Variants in CTNNA3 observed in about 807,000 individuals in gnomAD.
CTNNA3 encodes catenin alpha 3, also known as catenin alpha-3.
In CTNNA3, 76 loss-of-function variants were observed where a neutral mutation model predicts 95.7. That is an observed-to-expected ratio of 0.79 (90% confidence interval 0.66 to 0.96). CTNNA3 has a LOEUF of 0.96. CTNNA3 is among the 40% of genes least tolerant of loss of function. CTNNA3 has a pLI of 0.00. For missense variants in CTNNA3, 1,191 were observed against 1,089.8 expected (o/e 1.09, Z -1.31); for synonymous variants, 431 against 374.4 (o/e 1.15, Z -1.74).
intron 2 of CTNNA3, among the ~76,000 whole-genome samples, chr10:67,620,921 G>GTATATATA (rs1272442858): frequency 4.9e-4 from 46 of 94,832 alleles, no homozygotes; most frequent in African/African-American, 2.0e-3. Context: ...GTGTGTGTGT[G>GTATATATA]TGTATATATA....
At chr10:67,135,054 G>T (rs1202510426) in intron 7 of CTNNA3, among the ~76,000 whole-genome samples, 3 of 152,064 alleles carry the variant, frequency 2.0e-5, no homozygotes, top group Non-Finnish European at 4.4e-5. Flanking sequence ...AAGGTGTTCT[G>T]GTTTGTTTTC....
chr10:66,269,262 G>A (rs941704206), intron 13 of CTNNA3, among the ~76,000 whole-genome samples: 11 of 152,218 alleles, frequency 7.2e-5, no homozygotes, highest in Middle Eastern at 3.4e-3. Flanking sequence ...CCTTGAAGAC[G>A]GAGGCAAACC....
At chr10:66,211,760 G>A (rs2088171112) in intron 13 of CTNNA3, among the ~76,000 whole-genome samples, 1 of 152,164 alleles carries the variant, frequency 6.6e-6, no homozygotes, top group South Asian at 2.1e-4. Flanking sequence ...TACTGTGGGA[G>A]TCCACGATGA....
At chr10:67,726,589 A>G (rs1841227005) in intron 1 of CTNNA3, among the ~76,000 whole-genome samples, 1 of 67,024 alleles carries the variant, frequency 1.5e-5, no homozygotes, top group African/African-American at 8.0e-5. Context: ...TATAATATGT[A>G]ATATTATATT....
chr10:67,390,142 C>A (rs550691536), intron 5 of CTNNA3, among the ~76,000 whole-genome samples: 2 of 152,178 alleles, frequency 1.3e-5, no homozygotes, highest in East Asian at 3.9e-4. Context: ...AAAGGATCAA[C>A]AAAATTGATA....
intron 1 of CTNNA3, among the ~76,000 whole-genome samples, chr10:67,656,049 A>G (rs1457605073): frequency 6.6e-6 from 1 of 152,206 alleles, no homozygotes; most frequent in Non-Finnish European, 1.5e-5. Flanking sequence ...AATAAAATGG[A>G]AAGAAGACAA....
intron 17 of CTNNA3, among the ~76,000 whole-genome samples, chr10:65,936,968 TAA>T (rs879888386): frequency 6.6e-5 from 10 of 151,804 alleles, no homozygotes; most frequent in African/African-American, 2.2e-4. Context: ...GACAATTACA[TAA>T]GTTATATAAC....
Position 67,003,066 on chromosome 10 carries a change from A to T in CTNNA3, c.1047+177251T>A, listed in dbSNP as rs868552577. ...TTATGTTCATAGGCCACTAACAAACATATGCAGTCTTTTAGCTACAACACT... is the reference window on the plus strand; with the variant it reads ...TTATGTTCATAGGCCACTAACAAACTTATGCAGTCTTTTAGCTACAACACT... On this transcript the variant is annotated intron_variant, in intron 7 of 17. Transcript: ENST00000433211. Among the ~76,000 whole-genome samples the T allele has an allele frequency of 2.8e-3, 422 of 152,280 alleles. 2 individuals carry two copies. The highest frequency in any genetic ancestry group is 9.3e-3 in the African/African-American group (387 of 41,564).
chr10:66,587,391 T>G (rs1051823121), intron 10 of CTNNA3, among the ~76,000 whole-genome samples: 1 of 152,106 alleles, frequency 6.6e-6, no homozygotes, highest in African/African-American at 2.4e-5. Context: ...GCTTGCTTTA[T>G]GTCACTCAGG....
At chr10:67,544,465 G>A (rs1212455823) in intron 3 of CTNNA3, among the ~76,000 whole-genome samples, 2 of 152,126 alleles carry the variant, frequency 1.3e-5, no homozygotes, top group Non-Finnish European at 1.5e-5. Flanking sequence ...TCTCTGAGCT[G>A]GGGAGACAAA....
At chr10:67,439,818 C>T (rs935179993) in intron 5 of CTNNA3, among the ~76,000 whole-genome samples, 1 of 152,068 alleles carries the variant, frequency 6.6e-6, no homozygotes, top group East Asian at 1.9e-4. Flanking sequence ...CGGCCCCGAA[C>T]AACCAAAGGC....
At chr10:67,704,730 G>A (rs1420264574) in intron 1 of CTNNA3, among the ~76,000 whole-genome samples, 2 of 152,046 alleles carry the variant, frequency 1.3e-5, no homozygotes, top group Non-Finnish European at 2.9e-5. Context: ...AGGACTTCAT[G>A]TCTAAAACAC....
intron 10 of CTNNA3, among the ~76,000 whole-genome samples, chr10:66,524,667 G>T (rs765014754): frequency 6.6e-6 from 1 of 152,096 alleles, no homozygotes; most frequent in Non-Finnish European, 1.5e-5. Flanking sequence ...AACCAGAGGG[G>T]GCCAATGGAA....
intron 9 of CTNNA3, among the ~76,000 whole-genome samples, chr10:66,651,461 C>T (rs543318950): frequency 5.3e-5 from 8 of 152,012 alleles, no homozygotes; most frequent in African/African-American, 1.4e-4. Context: ...CACCAAGTGC[C>T]GCACTCCTCA....
At chr10:67,472,133 T>C (rs1847852039) in intron 5 of CTNNA3, among the ~76,000 whole-genome samples, 1 of 152,226 alleles carries the variant, frequency 6.6e-6, no homozygotes, top group Non-Finnish European at 1.5e-5. Context: ...ACTGCATAGA[T>C]TCACTCATAA....
chr10:66,727,406 G>A (rs1219369550), intron 9 of CTNNA3, among the ~76,000 whole-genome samples: 1 of 151,906 alleles, frequency 6.6e-6, no homozygotes, highest in Non-Finnish European at 1.5e-5. Flanking sequence ...AACTAGTCAA[G>A]GGGAAAAAAT....
intron 5 of CTNNA3, among the ~76,000 whole-genome samples, chr10:67,412,088 T>C (rs1349454277): frequency 2.6e-5 from 4 of 152,132 alleles, no homozygotes; most frequent in Non-Finnish European, 5.9e-5. Context: ...TGGCAGCAAT[T>C]TGTTTAATTT....
chr10:66,096,838 T>G (rs572383390), intron 14 of CTNNA3, among the ~76,000 whole-genome samples: 21 of 152,180 alleles, frequency 1.4e-4, no homozygotes, highest in Admixed American at 1.1e-3. Flanking sequence ...AATTAAAAAT[T>G]GAAAAGTTTA....
chr10:66,459,966 T>C (rs1416747551), intron 11 of CTNNA3, among the ~76,000 whole-genome samples: 1 of 140,060 alleles, frequency 7.1e-6, no homozygotes, highest in African/African-American at 2.6e-5. Context: ...GGAACTCACT[T>C]TTTGTTATGA....
Sources: gnomAD v4.1 joint callset for allele counts (sites outside exome capture counted in the v4.1 genomes callset) on GRCh38, gnomAD v4.1.1 for gene constraint, MANE v1.5 for transcripts, NCBI Gene and HGNC (gene_info 2026-07-23, HGNC 2026-07-21) for gene names.